GALNT13: variants seen among roughly 807,000 people sequenced by gnomAD.
GALNT13 encodes polypeptide N-acetylgalactosaminyltransferase 13.
In GALNT13, 28 loss-of-function variants were observed where a neutral mutation model predicts 64.2. The observed-to-expected ratio is 0.44, with a 90% CI of 0.32 to 0.60. The LOEUF (loss-of-function observed/expected upper bound fraction) is 0.60. Among genes scored for constraint, GALNT13 ranks in the 20% least tolerant of loss-of-function variants. GALNT13 has a pLI of 0.05. For synonymous variants in GALNT13, 214 were observed against 224.6 expected, an observed-to-expected ratio of 0.95 and a Z score of 0.42; for missense variants, 577 against 669.8, an observed-to-expected ratio of 0.86 and a Z score of 1.53.
intron 4 of GALNT13, among the ~76,000 whole-genome samples, chr2:154,236,980 TTAA>T (rs1474688805): frequency 6.6e-6 from 1 of 152,048 alleles, no homozygotes; most frequent in African/African-American, 2.4e-5. Context: ...ATTTTTCCAA[TTAA>T]TTTTTTTACA....
chr2:153,422,671 C>G, the GALNT13 span, among the ~76,000 whole-genome samples: 2 of 152,006 alleles, frequency 1.3e-5, no homozygotes, highest in African/African-American at 2.4e-5. Context: ...TTAATGAAAA[C>G]TAGACCACAC....
At chr2:153,540,600 T>C in the GALNT13 span, among the ~76,000 whole-genome samples, 1 of 152,108 alleles carries the variant, frequency 6.6e-6, no homozygotes, top group Non-Finnish European at 1.5e-5. Context: ...CAGCAGCCAA[T>C]GAAAGCAGCC....
At chr2:153,700,106 G>T in the GALNT13 span, among the ~76,000 whole-genome samples, 25 of 152,240 alleles carry the variant, frequency 1.6e-4, no homozygotes, top group African/African-American at 5.5e-4. Context: ...TAAAATACGG[G>T]CAAACTGAAT....
chr2:153,668,443 A>T, the GALNT13 span, among the ~76,000 whole-genome samples: 370 of 152,294 alleles, frequency 2.4e-3, 9 homozygotes, highest in Admixed American at 0.022. Context: ...AATCAATACC[A>T]AGAAAAGATA....
chr2:153,251,533 G>A, the GALNT13 span, among the ~76,000 whole-genome samples: 8,303 of 151,510 alleles, frequency 0.055, 817 homozygotes, highest in African/African-American at 0.19. Context: ...GGTAAGTTAC[G>A]TATGTATACA....
At chr2:154,053,927 A>G (rs1295580540) in intron 3 of GALNT13, among the ~76,000 whole-genome samples, 1 of 152,078 alleles carries the variant, frequency 6.6e-6, no homozygotes, top group Admixed American at 6.6e-5. Flanking sequence ...AACAGAATGG[A>G]TAGATTTTCC....
At chr2:153,893,504 G>C (rs73005971) in intron 1 of GALNT13, among the ~76,000 whole-genome samples, 9 of 151,776 alleles carry the variant, frequency 5.9e-5, no homozygotes, top group Non-Finnish European at 1.5e-5. Flanking sequence ...CCATTTAGAC[G>C]TAACAATGTT....
At chr2:154,038,078 G>T (rs12053300) in intron 3 of GALNT13, among the ~76,000 whole-genome samples, 70,658 of 151,730 alleles carry the variant, frequency 0.47, 17,343 homozygotes, top group East Asian at 0.94. Flanking sequence ...GGTTGATACT[G>T]CAGTGAGCCA....
the GALNT13 span, among the ~76,000 whole-genome samples, chr2:153,709,269 A>G: frequency 6.6e-6 from 1 of 151,988 alleles, no homozygotes; most frequent in Non-Finnish European, 1.5e-5. Context: ...ACAGATGAAT[A>G]GCAAAAAACA....
the GALNT13 span, among the ~76,000 whole-genome samples, chr2:153,768,607 G>C: frequency 2.0e-5 from 3 of 152,244 alleles, no homozygotes; most frequent in South Asian, 6.2e-4. Flanking sequence ...GCTCACACCT[G>C]TAATCCCAGC....
intron 10 of GALNT13, among the ~76,000 whole-genome samples, chr2:154,405,604 T>A (rs967151989): frequency 9.4e-5 from 11 of 116,828 alleles, no homozygotes; most frequent in South Asian, 5.8e-4. Context: ...AAAAAAAAAA[T>A]TTGACCAGGT....
chr2:153,744,678 A>G, the GALNT13 span, among the ~76,000 whole-genome samples: 1 of 152,084 alleles, frequency 6.6e-6, no homozygotes, highest in Non-Finnish European at 1.5e-5. Flanking sequence ...CATGACCGAG[A>G]CCAAAAAAGA....
chr2:154,328,599 T>C (rs1048534974), intron 9 of GALNT13, among the ~76,000 whole-genome samples: 5 of 152,094 alleles, frequency 3.3e-5, no homozygotes, highest in Non-Finnish European at 5.9e-5. Flanking sequence ...ACCTGGATCT[T>C]GTTAAAAAAT....
chr2:153,690,279 TG>T, the GALNT13 span, among the ~76,000 whole-genome samples: 2 of 152,172 alleles, frequency 1.3e-5, no homozygotes, highest in Admixed American at 1.3e-4. Flanking sequence ...CTGAAATACC[TG>T]ATAAGTGCTG....
chr2:154,182,468 T>C (rs769809663), intron 4 of GALNT13, among the ~76,000 whole-genome samples: 5 of 151,976 alleles, frequency 3.3e-5, no homozygotes, highest in African/African-American at 7.2e-5. Context: ...TATTTTGTGG[T>C]CATTAAGGAT....
At chr2:153,534,257 T>C in the GALNT13 span, among the ~76,000 whole-genome samples, 1 of 152,190 alleles carries the variant, frequency 6.6e-6, no homozygotes, top group African/African-American at 2.4e-5. Flanking sequence ...GGACATGATG[T>C]ACTGGGTACC....
the GALNT13 span, among the ~76,000 whole-genome samples, chr2:153,128,139 C>T: frequency 6.6e-5 from 10 of 152,164 alleles, no homozygotes; most frequent in Non-Finnish European, 1.3e-4. Context: ...TGTTCTTTGT[C>T]ATATTGTCTC....
chr2:153,082,658 CACACACAT>C, the GALNT13 span, among the ~76,000 whole-genome samples: 10 of 81,298 alleles, frequency 1.2e-4, no homozygotes, highest in African/African-American at 2.8e-4. Context: ...CACACACACA[CACACACAT>C]ATATATAATT....
At chr2:153,411,994 A>T in the GALNT13 span, among the ~76,000 whole-genome samples, 1 of 152,188 alleles carries the variant, frequency 6.6e-6, no homozygotes, top group Non-Finnish European at 1.5e-5. Flanking sequence ...AGCTGCCAGA[A>T]AATATAAAGC....
Sources: allele counts gnomAD v4.1 joint callset (sites outside exome capture counted in the v4.1 genomes callset), GRCh38; gene constraint gnomAD v4.1.1; transcripts MANE v1.5; gene names NCBI Gene and HGNC (gene_info 2026-07-23, HGNC 2026-07-21).